The following SPOCK3 variants were observed in gnomAD, a reference collection of about 807,000 sequenced individuals.
SPOCK3 encodes SPARC (osteonectin), cwcv and kazal like domains proteoglycan 3.
SPOCK3 carries 30 observed loss-of-function variants against 56.6 expected under a neutral mutation model. The observed-to-expected ratio is 0.53, with a 90% CI of 0.40 to 0.72. The LOEUF is 0.72. Ranked by LOEUF, SPOCK3 falls within the 30% of genes least tolerant of loss-of-function variation. SPOCK3 has a pLI of 0.00. For missense variants in SPOCK3, 527 were observed against 530.0 expected (o/e 0.99, Z 0.06); for synonymous variants, 196 against 183.3 (o/e 1.07, Z -0.56).
intron 6 of SPOCK3, among the ~76,000 whole-genome samples, chr4:166,846,498 G>A (rs1323927292): frequency 6.6e-6 from 1 of 151,986 alleles, no homozygotes; most frequent in East Asian, 1.9e-4. Flanking sequence ...AAATATTTGT[G>A]ATTCATCCTA....
intron 6 of SPOCK3, among the ~76,000 whole-genome samples, chr4:166,837,281 T>C (rs1411956494): frequency 6.6e-6 from 1 of 152,204 alleles, no homozygotes; most frequent in Non-Finnish European, 1.5e-5. Context: ...AATAGTTCAA[T>C]GCCCCTGTGA....
chr4:166,945,088 A>G lies in SPOCK3; in HGVS notation c.351-32345T>C, dbSNP rs189653161. Among the ~76,000 whole-genome samples, 5 of 152,244 alleles carry G rather than the reference A, an allele frequency of 3.3e-5. No homozygotes were observed. In the East Asian group the frequency reaches 9.7e-4, roughly 29 times the overall value. On this transcript the variant is annotated intron_variant, in intron 4 of 10. Transcript: ENST00000357545. ...GAGCACTTCTTTGCTTTCTGGAACAATAAGATGTTATTGGCTCATGTTGTT... is the reference window on the plus strand; with the variant it reads ...GAGCACTTCTTTGCTTTCTGGAACAGTAAGATGTTATTGGCTCATGTTGTT...
rs1737467913 is a variant in SPOCK3, at chr4:166,913,242, C to T, written c.351-499G>A. 5.9e-5 allele frequency among the ~76,000 whole-genome samples: 9 copies of T among 152,270 alleles called. 1 individual carries two copies. In the South Asian group the frequency reaches 1.9e-3, roughly 32 times the overall value. On this transcript the variant is annotated intron_variant, in intron 4 of 10. Coordinates refer to ENST00000357545, the MANE Select transcript of SPOCK3 (RefSeq NM_001040159.2). ...TATCAGTATTTAGAAAGCCAAATTG[C>T]TAGGTTTAGTGATAACAAATCTCCT...
At chr4:166,972,639 G>T (rs963693876) in intron 4 of SPOCK3, among the ~76,000 whole-genome samples, 4 of 151,816 alleles carry the variant, frequency 2.6e-5, no homozygotes, top group South Asian at 2.1e-4. Flanking sequence ...ACTAAAATTT[G>T]CCCAGTGGTG....
chr4:167,216,113 G>A (rs1017014386), intron 2 of SPOCK3, among the ~76,000 whole-genome samples: 2 of 152,036 alleles, frequency 1.3e-5, no homozygotes, highest in Non-Finnish European at 2.9e-5. Flanking sequence ...CTGATGAACA[G>A]CCACCCTCCA....
intron 4 of SPOCK3, among the ~76,000 whole-genome samples, chr4:166,971,311 T>A (rs887607077): frequency 6.6e-6 from 1 of 152,214 alleles, no homozygotes; most frequent in South Asian, 2.1e-4. Flanking sequence ...TTTTGTATTG[T>A]TTAGCTCCAA....
chr4:167,108,526 C>T (rs188238410), intron 2 of SPOCK3, among the ~76,000 whole-genome samples: 1 of 151,880 alleles, frequency 6.6e-6, no homozygotes, highest in East Asian at 1.9e-4. Flanking sequence ...AACTAGAGGT[C>T]ATTATGTTAA....
intron 3 of SPOCK3, among the ~76,000 whole-genome samples, chr4:167,022,248 G>A (rs1751260440): frequency 6.6e-6 from 1 of 152,000 alleles, no homozygotes; most frequent in South Asian, 2.1e-4. Flanking sequence ...CCCAGTAGGA[G>A]AATATAATAT....
At chr4:167,022,460 C>CT (rs1294752769) in intron 3 of SPOCK3, among the ~76,000 whole-genome samples, 1 of 151,972 alleles carries the variant, frequency 6.6e-6, no homozygotes, top group African/African-American at 2.4e-5. Context: ...TATATAAGAT[C>CT]AAGGCCAAGA....
intron 3 of SPOCK3, among the ~76,000 whole-genome samples, chr4:167,013,569 G>A (rs1020489898): frequency 1.7e-4 from 25 of 150,764 alleles, no homozygotes; most frequent in Non-Finnish European, 2.2e-4. Context: ...TATTTTTACC[G>A]GTTTCCATTT....
At chr4:166,890,105 G>A (rs968459802) in intron 5 of SPOCK3, among the ~76,000 whole-genome samples, 5 of 151,812 alleles carry the variant, frequency 3.3e-5, no homozygotes, top group Admixed American at 3.3e-4. Flanking sequence ...ACAAGCCCCA[G>A]AGTTTATTTC....
intron 6 of SPOCK3, among the ~76,000 whole-genome samples, chr4:166,887,146 A>T (rs1338514133): frequency 3.3e-5 from 5 of 152,188 alleles, no homozygotes; most frequent in East Asian, 1.9e-4. Context: ...TTCACAAGAG[A>T]TCCTCTTCTC....
intron 4 of SPOCK3, among the ~76,000 whole-genome samples, chr4:166,933,562 A>C (rs1296378451): frequency 1.3e-5 from 2 of 152,136 alleles, no homozygotes; most frequent in African/African-American, 4.8e-5. Flanking sequence ...TTATTATTTA[A>C]CATGTATTAT....
chr4:167,220,431 T>C (rs1019379947), intron 2 of SPOCK3, among the ~76,000 whole-genome samples: 3 of 143,130 alleles, frequency 2.1e-5, no homozygotes, highest in Non-Finnish European at 4.5e-5. Flanking sequence ...CAGGCTGCAG[T>C]GCAGTGGTGT....
At chr4:167,221,068 T>C (rs1462484163) in intron 2 of SPOCK3, among the ~76,000 whole-genome samples, 5 of 151,880 alleles carry the variant, frequency 3.3e-5, no homozygotes, top group African/African-American at 9.7e-5. Flanking sequence ...TGTCAAAAGA[T>C]AGAAAACCAA....
intron 2 of SPOCK3, among the ~76,000 whole-genome samples, chr4:167,203,668 G>A (rs1194850069): frequency 1.3e-5 from 2 of 151,864 alleles, no homozygotes; most frequent in Non-Finnish European, 2.9e-5. Flanking sequence ...AGCCAATTAC[G>A]ACCTTGTAGA....
At chr4:167,162,344 T>C (rs915105768) in intron 2 of SPOCK3, among the ~76,000 whole-genome samples, 9 of 152,090 alleles carry the variant, frequency 5.9e-5, no homozygotes, top group African/African-American at 2.2e-4. Context: ...GAAAATATTC[T>C]CCTCCCTACC....
intron 4 of SPOCK3, among the ~76,000 whole-genome samples, chr4:166,952,035 C>T (rs539668773): frequency 4.6e-5 from 7 of 152,288 alleles, no homozygotes; most frequent in East Asian, 3.9e-4. Context: ...GACAGGGATG[C>T]CTTCTCTCAC....
At chr4:166,797,800 T>C (rs1006809869) in intron 6 of SPOCK3, among the ~76,000 whole-genome samples, 2 of 152,192 alleles carry the variant, frequency 1.3e-5, no homozygotes, top group African/African-American at 2.4e-5. Flanking sequence ...TGTGTATATC[T>C]GCTATGCATA....
Sources: allele counts gnomAD v4.1 joint callset (sites outside exome capture counted in the v4.1 genomes callset), GRCh38; gene constraint gnomAD v4.1.1; transcripts MANE v1.5; gene names NCBI Gene and HGNC (gene_info 2026-07-23, HGNC 2026-07-21).